The following CCNJL variants were observed in gnomAD, a reference collection of about 807,000 sequenced individuals.
The protein encoded by CCNJL is cyclin J like.
Under a neutral mutation model 33.4 loss-of-function variants are expected in CCNJL, and 33 were observed. The observed-to-expected ratio is 0.99, with a 90% confidence interval of 0.75 to 1.32. The LOEUF (loss-of-function observed/expected upper bound fraction) is 1.32, where lower values mean the gene tolerates loss of function less well. Ranked by LOEUF, CCNJL falls within the 40% of genes most tolerant of loss-of-function variation. The pLI, the probability that CCNJL is intolerant of heterozygous loss-of-function variation, is 0.00. For missense variants in CCNJL, 512 were observed against 499.7 expected (o/e 1.02, Z -0.23); for synonymous variants, 227 against 220.9 (o/e 1.03, Z -0.24).
chr5:160,254,390 A>G, intron 5 of CCNJL: 1 of 633,114 alleles, frequency 1.6e-6, no homozygotes, highest in Non-Finnish European at 2.8e-6. Context: ...GCTTTTTGGG[A>G]AAACAAAACA....
chr5:160,271,724 G>A (rs1025573789), intron 3 of CCNJL, among the ~76,000 whole-genome samples: 1 of 152,234 alleles, frequency 6.6e-6, no homozygotes, highest in Non-Finnish European at 1.5e-5. Context: ...CACCATTGAT[G>A]TCATGGCAGT....
At chr5:160,291,909 A>G (rs1219600245) in intron 2 of CCNJL, among the ~76,000 whole-genome samples, 1 of 152,090 alleles carries the variant, frequency 6.6e-6, no homozygotes, top group African/African-American at 2.4e-5. Context: ...GTGATTTCCC[A>G]GGGGTGGGGA....
At chr5:160,293,809 C>T (rs1192645517) in intron 2 of CCNJL, among the ~76,000 whole-genome samples, 4 of 152,152 alleles carry the variant, frequency 2.6e-5, no homozygotes, top group South Asian at 2.1e-4. Context: ...ATCAGAGGAG[C>T]GGGCCAGGGC....
intron 3 of CCNJL, 31 bp downstream of exon 3, chr5:160,280,494 A>T (rs760994374): frequency 6.4e-7 from 1 of 1,553,344 alleles, no homozygotes; most frequent in South Asian, 1.1e-5. Flanking sequence ...AGACCGCACA[A>T]GCGCGGAGGA....
chr5:160,316,652 G>T (rs1409265075), upstream of CCNJL, among the ~76,000 whole-genome samples: 1 of 152,164 alleles, frequency 6.6e-6, no homozygotes, highest in Non-Finnish European at 1.5e-5. Context: ...AGTGATTTAT[G>T]CATTCACCAG....
Position 160,259,658 on chromosome 5 carries a change from G to C in CCNJL, c.394C>G (p.Leu132Val). The change falls in exon 4 of 6, where the codon CTG becomes GTG. Residue 132 changes from leucine to valine, a missense_variant. Leu to Val is a conservative substitution (Grantham distance 32). Transcript: ENST00000257536. The stretch of plus-strand genomic sequence containing the variant: ...CAGCTGAAGGCCTCCAGGAGCAGCA[G>C]CTCTGTGCTCAGCAGCTCCTTCTTG... The part of the protein sequence containing the change: ...LTKKELLSTE[L>V]LLLEAFSWNL... The C allele has an allele frequency of 1.2e-6, 2 of 1,614,210 alleles. No individual in the cohort carries two copies. Among genetic ancestry groups the C allele is most frequent in the South Asian group, 1.1e-5 (1 of 91,074 alleles).
At chr5:160,337,009 T>C (rs958606137) in intron 1 of CCNJL, among the ~76,000 whole-genome samples, 13 of 141,802 alleles carry the variant, frequency 9.2e-5, no homozygotes, top group South Asian at 2.4e-4. Context: ...CTTTCTTTTT[T>C]TTTTTTTTTT....
At chr5:160,286,144 C>A (rs1762399414) in intron 2 of CCNJL, among the ~76,000 whole-genome samples, 1 of 152,194 alleles carries the variant, frequency 6.6e-6, no homozygotes, top group African/African-American at 2.4e-5. Context: ...CAGTCCAAAG[C>A]CCCCAAACAC....
intron 2 of CCNJL, among the ~76,000 whole-genome samples, chr5:160,288,993 T>G (rs1688253987): frequency 6.6e-6 from 1 of 152,264 alleles, no homozygotes; most frequent in African/African-American, 2.4e-5. Context: ...CACTTGCCCC[T>G]CAGAGAGCAT....
intron 2 of CCNJL, among the ~76,000 whole-genome samples, chr5:160,286,653 A>T (rs1762416961): frequency 6.6e-6 from 1 of 152,076 alleles, no homozygotes. Flanking sequence ...AAAAGCAAAG[A>T]AAAGAAAAAA....
chr5:160,321,032 TTCTTTCTTTCTTTC>T (rs1451111330), intron 1 of CCNJL, among the ~76,000 whole-genome samples: 1 of 42,940 alleles, frequency 2.3e-5, no homozygotes, highest in Non-Finnish European at 4.3e-5. Context: ...CTTTCTTTCT[TTCTTTCTTTCTTTC>T]TTTCTTTCTT....
intron 2 of CCNJL, among the ~76,000 whole-genome samples, chr5:160,309,414 T>C (rs1203282770): frequency 6.6e-6 from 1 of 152,224 alleles, no homozygotes; most frequent in Non-Finnish European, 1.5e-5. Flanking sequence ...TTGCTTGTGG[T>C]TGTATGGAAA....
chr5:160,299,045 C>T (rs1561801210), intron 2 of CCNJL, among the ~76,000 whole-genome samples: 1 of 152,094 alleles, frequency 6.6e-6, no homozygotes, highest in East Asian at 1.9e-4. Context: ...GTGGCATAAA[C>T]ACGGCTCACT....
In CCNJL at chr5:160,312,099, C is replaced by A; in HGVS notation, c.-49-127G>T. The stretch of plus-strand genomic sequence containing the variant: ...CCCCCTCCTGCGCCGCTCAGAGGAG[C>A]TGGAGGTCGCCTCTGGTCCGCGGAA... On this transcript the variant is annotated intron_variant, in intron 1 of 5. Transcript: ENST00000257536. The A allele has an allele frequency of 4.8e-6, 3 of 629,006 alleles. No individual in the cohort carries two copies. The South Asian group carries it at 5.7e-5, about 12-fold the overall frequency. 39.0% of individuals were successfully genotyped at this position (629,006 alleles called of 1,614,324 possible).
intron 1 of CCNJL, among the ~76,000 whole-genome samples, chr5:160,329,627 G>GT (rs1763582737): frequency 6.6e-6 from 1 of 152,136 alleles, no homozygotes; most frequent in African/African-American, 2.4e-5. Flanking sequence ...GGGATTACAG[G>GT]TGTGAGCCAC....
intron 2 of CCNJL, among the ~76,000 whole-genome samples, chr5:160,299,051 T>C (rs751633802): frequency 5.3e-5 from 8 of 152,236 alleles, no homozygotes; most frequent in Non-Finnish European, 1.0e-4. Context: ...TAAACACGGC[T>C]CACTGCAGCC....
In CCNJL at chr5:160,253,221, C is replaced by A; in HGVS notation, c.*157G>T. ...GTGAGGTATGTTATTGAATGTTTTG[C>A]TCTGGGTCAGTTTTATTTAAAAGGA... is the stretch of plus-strand genomic sequence containing the variant. On this transcript the variant is annotated 3_prime_UTR_variant, in exon 6 of 6. Transcript: ENST00000257536. 1.7e-6 allele frequency: 1 copy of A among 598,998 alleles called. No individual in the cohort carries two copies. Among genetic ancestry groups the A allele is most frequent in the Non-Finnish European group, 2.7e-6 (1 of 365,834 alleles). 37.1% of individuals were successfully genotyped at this position (598,998 alleles called of 1,614,324 possible).
chr5:160,314,717 C>T (rs541091947), upstream of CCNJL, among the ~76,000 whole-genome samples: 4 of 152,286 alleles, frequency 2.6e-5, no homozygotes, highest in Admixed American at 6.5e-5. Flanking sequence ...TCTGATAAAT[C>T]GGTATGTAAA....
chr5:160,332,014 C>G (rs1203943328), intron 1 of CCNJL, among the ~76,000 whole-genome samples: 1 of 152,074 alleles, frequency 6.6e-6, no homozygotes, highest in Non-Finnish European at 1.5e-5. Context: ...TGCATGGGCC[C>G]CAGTATATAC....
Sources: allele counts gnomAD v4.1 joint callset (sites outside exome capture counted in the v4.1 genomes callset), GRCh38; gene constraint gnomAD v4.1.1; transcripts MANE v1.5; gene names NCBI Gene and HGNC (gene_info 2026-07-23, HGNC 2026-07-21).